CDC73: variants seen among roughly 807,000 people sequenced by gnomAD.
CDC73 encodes the protein parafibromin.
A neutral mutation model predicts 83.7 loss-of-function variants in CDC73; 21 were observed. The observed-to-expected ratio is 0.25, with a 90% CI of 0.18 to 0.36. The LOEUF (loss-of-function observed/expected upper bound fraction) is 0.36, where lower values mean the gene tolerates loss of function less well. Ranked by LOEUF, CDC73 falls within the 10% of genes least tolerant of loss-of-function variation. The pLI is 1.00. For missense variants in CDC73, 342 were observed against 653.3 expected, an observed-to-expected ratio of 0.52 and a Z score of 5.19; for synonymous variants, 224 against 212.9, an observed-to-expected ratio of 1.05 and a Z score of -0.45.
chr1:193,141,812 T>A (rs765886383), intron 6 of CDC73, 38 bp from the exon 7 acceptor site: 19 of 1,269,368 alleles, frequency 1.5e-5, no homozygotes, highest in Admixed American at 1.8e-5. Flanking sequence ...ACTCCAGGAA[T>A]GCCTGCTGTG....
At chr1:193,237,675 C>G (rs111279099) in intron 15 of CDC73, among the ~76,000 whole-genome samples, 1,678 of 152,154 alleles carry the variant, frequency 0.011, 29 homozygotes, top group African/African-American at 0.038. Context: ...TGTGTTGACT[C>G]AAAGCCTTTG....
rs556503372 is a variant in CDC73 at position 193,177,528 on chromosome 1, T to TAAAAAAAAAA, written c.972+25094_972+25103dup. Among the ~76,000 whole-genome samples, 8 of 104,424 alleles carry TAAAAAAAAAA rather than the reference T, an allele frequency of 7.7e-5. No homozygotes were observed. The South Asian group carries it at 2.6e-3, about 34-fold the overall frequency. The allele number at this position is 104,424 out of a possible 152,430, so 68.5% of individuals were successfully genotyped here. ...CTGGGCGACAGAGCAAGACTCTGTC[T>TAAAAAAAAAA]AAAAAAAAAAAAAAAAAAAGAACAT... On this transcript the variant is annotated intron_variant, in intron 10 of 16. Coordinates refer to ENST00000367435, the MANE Select transcript of CDC73 (RefSeq NM_024529.5).
chr1:193,136,225 T>C, intron 5 of CDC73, among the ~76,000 whole-genome samples: 1 of 152,210 alleles, frequency 6.6e-6, no homozygotes, highest in East Asian at 1.9e-4. Flanking sequence ...CAGATGTGGC[T>C]ATGTTTCTAT....
chr1:193,173,358 T>C (rs1473466606), intron 10 of CDC73, among the ~76,000 whole-genome samples: 1 of 152,234 alleles, frequency 6.6e-6, no homozygotes, highest in Non-Finnish European at 1.5e-5. Context: ...GCTCTCCTTA[T>C]CTGTTCCACC....
intron 14 of CDC73, among the ~76,000 whole-genome samples, chr1:193,234,250 TTA>T (rs1164975673): frequency 8.1e-6 from 1 of 123,390 alleles, no homozygotes; most frequent in Non-Finnish European, 1.6e-5. Flanking sequence ...ATATATTTAT[TTA>T]TATATATAAT....
intron 7 of CDC73, among the ~76,000 whole-genome samples, chr1:193,146,812 G>A (rs913186135): frequency 6.6e-6 from 1 of 152,192 alleles, no homozygotes; most frequent in Non-Finnish European, 1.5e-5. Context: ...GAGTTGAAGA[G>A]CATTTGTACT....
In CDC73 at chr1:193,158,916, C is replaced by T. The variant is rs373973954; in HGVS notation, c.972+6472C>T. On this transcript the variant is annotated intron_variant, in intron 10 of 16. Transcript: ENST00000367435. Reference sequence around the variant, plus strand: ...TGTTACATGAACATATTATGTGTTACGGAACATATATCCGTATTAACATAT... The same window carrying T: ...TGTTACATGAACATATTATGTGTTATGGAACATATATCCGTATTAACATAT... Among the ~76,000 whole-genome samples, 8 of 151,034 alleles carry T rather than the reference C, an allele frequency of 5.3e-5. No homozygotes were observed. The East Asian group carries it at 1.2e-3, about 22-fold the overall frequency.
At chr1:193,166,740 A>G (rs1386122876) in intron 10 of CDC73, among the ~76,000 whole-genome samples, 3 of 150,758 alleles carry the variant, frequency 2.0e-5, no homozygotes, top group African/African-American at 7.3e-5. Context: ...TCTGCATACC[A>G]GGTTCAAGCG....
chr1:193,253,078 G>GA lies in CDC73; in HGVS notation c.*2371dup, dbSNP rs1185804528. 1 of 232,052 alleles carries GA rather than the reference G, an allele frequency of 4.3e-6. No homozygotes were observed. Among genetic ancestry groups the GA allele is most frequent in the African/African-American group, 2.2e-5 (1 of 45,266 alleles). The allele number at this position is 232,052 out of a possible 1,614,324, so 14.4% of individuals were successfully genotyped here. ...ACCCTTGTATGCCCAACCTGTAAAGGAAAAAGTTCTATTTCTATATTTATA... is the reference window on the plus strand; with the variant it reads ...ACCCTTGTATGCCCAACCTGTAAAGGAAAAAAGTTCTATTTCTATATTTATA... On this transcript the variant is annotated 3_prime_UTR_variant, in exon 17 of 17. Coordinates refer to ENST00000367435, the MANE Select transcript of CDC73 (RefSeq NM_024529.5).
At chr1:193,125,489 T>C (rs1262035727) in intron 2 of CDC73, among the ~76,000 whole-genome samples, 1 of 152,164 alleles carries the variant, frequency 6.6e-6, no homozygotes, top group Non-Finnish European at 1.5e-5. Context: ...CTTGAACTCC[T>C]ACCCTCAGTG....
chr1:193,237,613 G>A (rs576431351), intron 15 of CDC73, among the ~76,000 whole-genome samples: 8 of 152,142 alleles, frequency 5.3e-5, no homozygotes, highest in African/African-American at 1.2e-4. Context: ...GCGGGTTGGA[G>A]GTGGTGTGGT....
rs1380019022 is a variant in CDC73, at chr1:193,161,770, T to C, written c.972+9326T>C. 1.5e-4 allele frequency among the ~76,000 whole-genome samples: 2 copies of C among 13,094 alleles called. 1 individual carries two copies. The highest frequency in any genetic ancestry group is 4.6e-4 in the African/African-American group (2 of 4,332). 8.6% of individuals were successfully genotyped at this position (13,094 alleles called of 152,430 possible). A position where few individuals can be genotyped will look rare whatever the true frequency, so the allele number is the denominator to read the frequency against. The stretch of plus-strand genomic sequence containing the variant: ...CATATTATATTGTATATAATATATA[T>C]CATATTATATTGTATATAATATATA... On this transcript the variant is annotated intron_variant, in intron 10 of 16. Coordinates refer to ENST00000367435, the MANE Select transcript of CDC73 (RefSeq NM_024529.5).
At chr1:193,207,009 C>T (rs533721915) in intron 11 of CDC73, among the ~76,000 whole-genome samples, 8 of 152,230 alleles carry the variant, frequency 5.3e-5, no homozygotes, top group South Asian at 2.1e-4. Flanking sequence ...TCGGGGGAAC[C>T]AGCCCCCAAT....
intron 10 of CDC73, among the ~76,000 whole-genome samples, chr1:193,189,908 T>C (rs999799623): frequency 2.6e-5 from 4 of 152,340 alleles, no homozygotes; most frequent in East Asian, 1.9e-4. Flanking sequence ...TTCAACAATA[T>C]GTCCTTGGTA....
chr1:193,210,871 A>G (rs950639698), intron 11 of CDC73, among the ~76,000 whole-genome samples: 1 of 152,104 alleles, frequency 6.6e-6, no homozygotes, highest in Admixed American at 6.6e-5. Context: ...ACAAGAAACA[A>G]TTTTTAAAAG....
At chr1:193,148,219 CTATT>C (rs1246311083) in intron 8 of CDC73, among the ~76,000 whole-genome samples, 1 of 152,208 alleles carries the variant, frequency 6.6e-6, no homozygotes, top group Non-Finnish European at 1.5e-5. Flanking sequence ...GGAAAGCCCT[CTATT>C]TATTTTAGGT....
Position 193,122,641 on chromosome 1 carries a change from A to C in CDC73, c.131+310A>C, listed in dbSNP as rs1238756161. 1.5e-5 allele frequency: 5 copies of C among 339,344 alleles called. No homozygotes were observed. The East Asian group carries it at 3.0e-4, about 20-fold the overall frequency. 21.0% of individuals were successfully genotyped at this position (339,344 alleles called of 1,614,324 possible). A position where few individuals can be genotyped will look rare whatever the true frequency, so the allele number is the denominator to read the frequency against. ...CCAGCGAAGTGTGGGACTGGTGCGC[A>C]AGGGATACCTGAACATAGGTGCACA... On this transcript the variant is annotated intron_variant, in intron 1 of 16. Coordinates refer to ENST00000367435, the MANE Select transcript of CDC73 (RefSeq NM_024529.5).
At position 193,135,819 on chromosome 1, in the gene CDC73, A is replaced by G. The variant is rs565675130; in HGVS notation, c.423+230A>G. Reference sequence around the variant, plus strand: ...TTATTTTCTTTGCTTTTATATTCTTATGGATGAACCTATTGGCTCAAGGGT... The same window carrying G: ...TTATTTTCTTTGCTTTTATATTCTTGTGGATGAACCTATTGGCTCAAGGGT... On this transcript the variant is annotated intron_variant, in intron 5 of 16. Coordinates refer to ENST00000367435, the MANE Select transcript of CDC73 (RefSeq NM_024529.5). Among the ~76,000 whole-genome samples, 48 of 147,394 alleles carry G rather than the reference A, an allele frequency of 3.3e-4. No individual in the cohort carries two copies. The South Asian group carries it at 0.01, about 31-fold the overall frequency.
chr1:193,124,295 G>A (rs1030732649), intron 1 of CDC73, among the ~76,000 whole-genome samples: 5 of 152,136 alleles, frequency 3.3e-5, no homozygotes, highest in Admixed American at 3.3e-4. Context: ...TTATTTTTCT[G>A]TTCTTTTCTA....
Sources: gnomAD v4.1 joint callset for allele counts (sites outside exome capture counted in the v4.1 genomes callset) on GRCh38, gnomAD v4.1.1 for gene constraint, MANE v1.5 for transcripts, NCBI Gene and HGNC (gene_info 2026-07-23, HGNC 2026-07-21) for gene names.